MGAT4C: variants seen among roughly 807,000 people sequenced by gnomAD.
MGAT4C encodes the protein MGAT4 family member C, also known as alpha-1,3-mannosyl-glycoprotein 4-beta-N-acetylglucosaminyltransferase C.
A neutral mutation model predicts 40.1 loss-of-function variants in MGAT4C; 19 were observed. The observed-to-expected ratio is 0.47, with a 90% CI of 0.33 to 0.70. MGAT4C has a LOEUF of 0.70. Among genes scored for constraint, MGAT4C ranks in the 30% least tolerant of loss-of-function variants. The pLI is 0.02. For synonymous variants in MGAT4C, 181 were observed against 187.1 expected (o/e 0.97, Z 0.27); for missense variants, 491 against 563.2 (o/e 0.87, Z 1.30).
chr12:86,422,127 C>G (rs935584927), intron 3 of MGAT4C, among the ~76,000 whole-genome samples: 38 of 152,038 alleles, frequency 2.5e-4, no homozygotes, highest in Admixed American at 1.0e-3. Flanking sequence ...AAGGGGGACC[C>G]ACAACTCTAA....
At chr12:85,981,696 C>T (rs994482682) in intron 4 of MGAT4C, among the ~76,000 whole-genome samples, 2 of 152,194 alleles carry the variant, frequency 1.3e-5, no homozygotes, top group Non-Finnish European at 2.9e-5. Flanking sequence ...TTTGCTATTA[C>T]CATCATTCTG....
chr12:86,653,159 A>C (rs1963741721), intron 2 of MGAT4C, among the ~76,000 whole-genome samples: 1 of 151,918 alleles, frequency 6.6e-6, no homozygotes, highest in Admixed American at 6.6e-5. Context: ...TTTGCAATAT[A>C]ATTATATTCA....
At chr12:86,341,495 A>AG (rs1323450333) in intron 3 of MGAT4C, among the ~76,000 whole-genome samples, 1 of 152,214 alleles carries the variant, frequency 6.6e-6, no homozygotes, top group Non-Finnish European at 1.5e-5. Context: ...GGCTGAATCC[A>AG]GGGGGCTGAG....
intron 1 of MGAT4C, among the ~76,000 whole-genome samples, chr12:86,193,544 T>C (rs1039182835): frequency 1.3e-5 from 2 of 152,148 alleles, no homozygotes; most frequent in Non-Finnish European, 2.9e-5. Flanking sequence ...AAACTCACTT[T>C]ACTTGAAGCT....
chr12:86,246,934 A>G (rs553162001), intron 1 of MGAT4C, among the ~76,000 whole-genome samples: 1 of 152,304 alleles, frequency 6.6e-6, no homozygotes, highest in South Asian at 2.1e-4. Flanking sequence ...GCACCCTTTC[A>G]TATGATGGGA....
At chr12:86,394,095 C>T (rs1956204672) in intron 3 of MGAT4C, among the ~76,000 whole-genome samples, 1 of 152,102 alleles carries the variant, frequency 6.6e-6, no homozygotes, top group Non-Finnish European at 1.5e-5. Flanking sequence ...TGAGCAGCCA[C>T]CATGAGACAA....
chr12:86,765,423 C>A (rs1183090963), intron 1 of MGAT4C, among the ~76,000 whole-genome samples: 1 of 152,150 alleles, frequency 6.6e-6, no homozygotes, highest in East Asian at 1.9e-4. Flanking sequence ...TAGAATGGAA[C>A]CAAGTTGGAA....
chr12:86,094,177 T>C (rs2135577879), intron 1 of MGAT4C, among the ~76,000 whole-genome samples: 1 of 152,192 alleles, frequency 6.6e-6, no homozygotes, highest in South Asian at 2.1e-4. Flanking sequence ...AATTGAGCAA[T>C]GTTATATGTA....
At chr12:86,553,053 G>T (rs1009326551) in intron 2 of MGAT4C, among the ~76,000 whole-genome samples, 9 of 151,934 alleles carry the variant, frequency 5.9e-5, no homozygotes, top group African/African-American at 2.2e-4. Flanking sequence ...GCTTTTTCTA[G>T]ATATCATACT....
At chr12:86,660,793 A>G (rs1227242265) in intron 2 of MGAT4C, among the ~76,000 whole-genome samples, 2 of 152,140 alleles carry the variant, frequency 1.3e-5, no homozygotes, top group Non-Finnish European at 2.9e-5. Flanking sequence ...GTTTGTTCCT[A>G]GTTGGGACAT....
chr12:86,618,350 T>C (rs1047732859), intron 2 of MGAT4C, among the ~76,000 whole-genome samples: 1 of 152,074 alleles, frequency 6.6e-6, no homozygotes, highest in Non-Finnish European at 1.5e-5. Context: ...GGAAAGTAAA[T>C]CAGTATATCA....
intron 1 of MGAT4C, among the ~76,000 whole-genome samples, chr12:86,181,937 G>A (rs1029564262): frequency 6.6e-6 from 1 of 151,924 alleles, no homozygotes; most frequent in Non-Finnish European, 1.5e-5. Flanking sequence ...TCATAATTGA[G>A]TTAGATCATT....
At chr12:86,147,024 C>A (rs540052611) in intron 1 of MGAT4C, among the ~76,000 whole-genome samples, 10 of 152,206 alleles carry the variant, frequency 6.6e-5, no homozygotes, top group African/African-American at 2.4e-4. Flanking sequence ...TGGATGGATT[C>A]TTTCTTGTCT....
chr12:86,509,724 T>A (rs932891141), intron 2 of MGAT4C, among the ~76,000 whole-genome samples: 12 of 152,200 alleles, frequency 7.9e-5, no homozygotes, highest in African/African-American at 2.2e-4. Context: ...GTTTGTATCC[T>A]CTTTTATTTC....
chr12:86,609,420 T>A (rs548239948), intron 2 of MGAT4C, among the ~76,000 whole-genome samples: 1 of 152,064 alleles, frequency 6.6e-6, no homozygotes, highest in South Asian at 2.1e-4. Flanking sequence ...TAACTCTTCA[T>A]GAGAAGACTG....
intron 2 of MGAT4C, among the ~76,000 whole-genome samples, chr12:86,500,122 C>G (rs1384544177): frequency 6.6e-6 from 1 of 151,634 alleles, no homozygotes; most frequent in African/African-American, 2.4e-5. Flanking sequence ...ACACATATAT[C>G]TATGTATGTA....
chr12:86,587,434 G>A lies in MGAT4C; in HGVS notation c.-229+139775C>T, dbSNP rs186346002. ...TGGCTTAGGATTGACTTGGCAATGCGGACTGTTTGGTTCCATATGAACTTT... is the reference window on the plus strand; with the variant it reads ...TGGCTTAGGATTGACTTGGCAATGCAGACTGTTTGGTTCCATATGAACTTT... On this transcript the variant is annotated intron_variant, in intron 2 of 7. Transcript: ENST00000548651. Among the ~76,000 whole-genome samples, 491 of 151,596 alleles carry A rather than the reference G, an allele frequency of 3.2e-3. 1 individual carries two copies. The highest frequency in any genetic ancestry group is 0.011 in the African/African-American group (466 of 41,404).
intron 2 of MGAT4C, among the ~76,000 whole-genome samples, chr12:86,526,821 C>T (rs1301596103): frequency 1.3e-5 from 2 of 152,200 alleles, no homozygotes; most frequent in Non-Finnish European, 2.9e-5. Flanking sequence ...TACAACTTCT[C>T]TAAGCAGCTC....
At chr12:85,994,241 A>C (rs61931064) in intron 2 of MGAT4C, among the ~76,000 whole-genome samples, 1 of 152,174 alleles carries the variant, frequency 6.6e-6, no homozygotes, top group Non-Finnish European at 1.5e-5. Flanking sequence ...GAATAATGAC[A>C]GTCGTCTAAA....
Sources: gnomAD v4.1 joint callset for allele counts (sites outside exome capture counted in the v4.1 genomes callset) on GRCh38, gnomAD v4.1.1 for gene constraint, MANE v1.5 for transcripts, NCBI Gene and HGNC (gene_info 2026-07-23, HGNC 2026-07-21) for gene names.